SYBU: variants seen among roughly 807,000 people sequenced by gnomAD.
The protein encoded by SYBU is GOLSYN A protein.
In SYBU, 21 loss-of-function variants were observed where a neutral mutation model predicts 35.9. The observed-to-expected ratio is 0.58, with a 90% CI of 0.41 to 0.84. The LOEUF (loss-of-function observed/expected upper bound fraction) is 0.84. Ranked by LOEUF, SYBU falls within the 40% of genes least tolerant of loss-of-function variation. The pLI is 0.00. For missense variants in SYBU, 768 were observed against 848.2 expected (o/e 0.91, Z 1.17); for synonymous variants, 319 against 324.3 (o/e 0.98, Z 0.18).
At chr8:109,615,882 T>C (rs1329739368) in intron 3 of SYBU, among the ~76,000 whole-genome samples, 1 of 152,132 alleles carries the variant, frequency 6.6e-6, no homozygotes, top group Non-Finnish European at 1.5e-5. Context: ...TCCATAGTTT[T>C]AATGATTCTC....
Position 109,579,792 on chromosome 8 carries a change from G to A in SYBU, c.734+7C>T, listed in dbSNP as rs371623227. On this transcript the variant is annotated splice_region_variant and intron_variant, in intron 5 of 6. Transcript: ENST00000276646. ...TAAGATGCATGAATTAGGTGAGCAG[G>A]ACTCACCTCATGATGGGGCTACAGT... 5 of 1,608,930 alleles carry A rather than the reference G, an allele frequency of 3.1e-6. No homozygotes were observed. The African/African-American group carries it at 4.0e-5, about 13-fold the overall frequency.
chr8:109,678,788 G>C (rs575309462), intron 1 of SYBU, among the ~76,000 whole-genome samples: 1 of 152,214 alleles, frequency 6.6e-6, no homozygotes, highest in South Asian at 2.1e-4. Flanking sequence ...CTAAGGCAGA[G>C]GTTCTCAACC....
In SYBU at chr8:109,577,872, C is replaced by T. The variant is rs755222414; in HGVS notation, c.880G>A (p.Glu294Lys). ...KLKESERRLH[E>K]RESEIVELKS... The stretch of plus-strand genomic sequence containing the variant: ...GTTCAAGGAAGGCAGATTCACCTTT[C>T]ATGGAGTCGGCGCTCAGATTCCTTC... The change falls in exon 6 of 7, where the codon GAA becomes AAA. Residue 294 changes from glutamate (E) to lysine (K), a missense_variant. Coordinates refer to ENST00000276646, the MANE Select transcript of SYBU (RefSeq NM_001099754.2). 3.7e-6 allele frequency: 6 copies of T among 1,611,826 alleles called. No homozygotes were observed. The African/African-American group carries it at 8.0e-5, about 22-fold the overall frequency.
At chr8:109,667,244 G>A (rs1367576581) in intron 1 of SYBU, among the ~76,000 whole-genome samples, 1 of 151,916 alleles carries the variant, frequency 6.6e-6, no homozygotes, top group Non-Finnish European at 1.5e-5. Flanking sequence ...AGCCTCCCGA[G>A]TAGCTGGGAC....
intron 2 of SYBU, among the ~76,000 whole-genome samples, chr8:109,641,126 T>C (rs899995989): frequency 3.4e-4 from 52 of 152,324 alleles, no homozygotes; most frequent in Middle Eastern, 6.8e-3. Flanking sequence ...AGACAGTCAC[T>C]CCTTTAAATT....
chr8:109,691,427 C>T lies in SYBU; in HGVS notation c.-152G>A. On this transcript the variant is annotated 5_prime_UTR_variant, in exon 1 of 8. Coordinates refer to the SYBU transcript ENST00000422135. The surrounding 1 kb of genome is among the most constrained non-coding windows in gnomAD (Gnocchi z 4.7). ...GCCCCGGCTGGGCCGGGTGCCGGTG[C>T]GGACGGGACCCCGCGTCGCTGCTGG... The T allele has an allele frequency of 1.5e-6, 1 of 674,170 alleles. No homozygotes were observed. The highest frequency in any genetic ancestry group is 2.7e-6 in the Non-Finnish European group (1 of 373,424). The allele number at this position is 674,170 out of a possible 1,614,324, so 41.8% of individuals were successfully genotyped here. A position where few individuals can be genotyped will look rare whatever the true frequency, so the allele number is the denominator to read the frequency against.
intron 1 of SYBU, among the ~76,000 whole-genome samples, chr8:109,676,731 A>T (rs1261071974): frequency 6.6e-6 from 1 of 152,208 alleles, no homozygotes; most frequent in Non-Finnish European, 1.5e-5. Flanking sequence ...AAAGTATTAG[A>T]AATTTCTGGA....
At chr8:109,591,900 C>G (rs543478797) in intron 3 of SYBU, among the ~76,000 whole-genome samples, 1 of 151,646 alleles carries the variant, frequency 6.6e-6, no homozygotes, top group African/African-American at 2.4e-5. Flanking sequence ...AGTTAAGACA[C>G]CTGGGTTTGA....
intron 3 of SYBU, among the ~76,000 whole-genome samples, chr8:109,595,526 C>T (rs1824772472): frequency 6.6e-6 from 1 of 152,206 alleles, no homozygotes; most frequent in South Asian, 2.1e-4. Flanking sequence ...AGACCATAGT[C>T]CTGCCTTCAG....
At chr8:109,606,815 G>A (rs187713924) in intron 3 of SYBU, among the ~76,000 whole-genome samples, 6 of 152,262 alleles carry the variant, frequency 3.9e-5, no homozygotes, top group East Asian at 1.9e-4. Context: ...ATGACTAACC[G>A]TTGGAAAAGA....
intron 3 of SYBU, among the ~76,000 whole-genome samples, chr8:109,600,788 T>C (rs1202574881): frequency 6.6e-6 from 1 of 152,200 alleles, no homozygotes; most frequent in Non-Finnish European, 1.5e-5. Flanking sequence ...AATCTGCACA[T>C]CCTTTTCTGA....
rs1460068686 is a variant in SYBU, at chr8:109,644,707, G to A, written c.-48C>T. On this transcript the variant is annotated 5_prime_UTR_variant, in exon 1 of 7. Transcript: ENST00000276646. ...TCGCGCCGCCGCTGCCGCCGTCCAG[G>A]AGGAGGCACCTGCGAGCACGGAGCG... 10 of 1,479,158 alleles carry A rather than the reference G, an allele frequency of 6.8e-6. No individual in the cohort carries two copies. The highest frequency in any genetic ancestry group is 3.6e-6 in the Non-Finnish European group (4 of 1,123,192). 91.6% of individuals were successfully genotyped at this position (1,479,158 alleles called of 1,614,324 possible). A position where few individuals can be genotyped will look rare whatever the true frequency, so the allele number is the denominator to read the frequency against.
chr8:109,582,488 A>C (rs1331453303), intron 4 of SYBU, among the ~76,000 whole-genome samples: 2 of 152,206 alleles, frequency 1.3e-5, no homozygotes, highest in Non-Finnish European at 2.9e-5. Flanking sequence ...AGAAAAACGC[A>C]GTCCACAAAG....
At chr8:109,673,945 A>G (rs1817083562) in intron 1 of SYBU, among the ~76,000 whole-genome samples, 1 of 152,232 alleles carries the variant, frequency 6.6e-6, no homozygotes, top group Non-Finnish European at 1.5e-5. Context: ...TTGAAGATCA[A>G]CTTAATGAAA....
intron 2 of SYBU, among the ~76,000 whole-genome samples, chr8:109,628,549 C>T (rs1813228709): frequency 6.6e-6 from 1 of 151,988 alleles, no homozygotes; most frequent in African/African-American, 2.4e-5. Flanking sequence ...CACTATGTTG[C>T]CCAGGCTGGT....
chr8:109,643,181 A>C, intron 1 of SYBU: 1 of 1,162,204 alleles, frequency 8.6e-7, no homozygotes, highest in Non-Finnish European at 1.1e-6. Flanking sequence ...ACATATACAC[A>C]CCTCCACTCA....
intron 2 of SYBU, among the ~76,000 whole-genome samples, chr8:109,623,910 A>G (rs1812703683): frequency 6.6e-6 from 1 of 152,170 alleles, no homozygotes; most frequent in Non-Finnish European, 1.5e-5. Flanking sequence ...TAATTGTGTT[A>G]CCCAGAAAAA....
chr8:109,636,791 C>T (rs1001877122), intron 2 of SYBU, among the ~76,000 whole-genome samples: 1 of 151,830 alleles, frequency 6.6e-6, no homozygotes, highest in Non-Finnish European at 1.5e-5. Flanking sequence ...AATTCTTTCT[C>T]CTCCTCCTTA....
intron 1 of SYBU, chr8:109,643,967 A>G (rs1586929162): frequency 5.3e-6 from 2 of 374,634 alleles, no homozygotes; most frequent in Admixed American, 3.3e-5. Flanking sequence ...GCTTCCTCCA[A>G]CCTCTGCCAC....
Sources: allele counts gnomAD v4.1 joint callset (sites outside exome capture counted in the v4.1 genomes callset), GRCh38; gene constraint gnomAD v4.1.1; non-coding constraint Gnocchi (gnomAD v3.1); transcripts MANE v1.5; gene names NCBI Gene and HGNC (gene_info 2026-07-23, HGNC 2026-07-21).